Variants in NUTM2E observed in about 807,000 individuals in gnomAD.
The protein encoded by NUTM2E is family with sequence similarity 22, member E.
NUTM2E carries 3 observed loss-of-function variants against 26.1 expected under a neutral mutation model. The observed-to-expected ratio is 0.12, with a 90% CI of 0.05 to 0.30. The LOEUF (loss-of-function observed/expected upper bound fraction) is 0.30. NUTM2E is among the 10% of genes least tolerant of loss of function. The pLI, the probability that NUTM2E is intolerant of heterozygous loss-of-function variation, is 1.00. For synonymous variants in NUTM2E, 13 were observed against 157.5 expected (o/e 0.08, Z 6.87); for missense variants, 62 against 381.3 (o/e 0.16, Z 6.97).
chr10:79,849,545 C>A (rs1456162461), intron 9 of NUTM2E, 58 bp downstream of exon 9: 4 of 360,526 alleles, frequency 1.1e-5, no homozygotes, highest in Admixed American at 1.2e-4. Flanking sequence ...TCTAATCCCC[C>A]CCGCTGGGGA....
intron 1 of NUTM2E, among the ~76,000 whole-genome samples, chr10:79,836,201 A>T (rs1411701931): frequency 2.0e-5 from 3 of 151,202 alleles, no homozygotes; most frequent in Non-Finnish European, 4.4e-5. Flanking sequence ...ACTGGGCTTT[A>T]AAAAAAATCA....
At chr10:79,839,513 C>T (rs1302719906) in intron 3 of NUTM2E, among the ~76,000 whole-genome samples, 115 bp from the exon 4 acceptor site, 1 of 151,702 alleles carries the variant, frequency 6.6e-6, no homozygotes, top group Non-Finnish European at 1.5e-5. Flanking sequence ...CTCTGCAACA[C>T]AGTGCAGAAT....
chr10:79,832,676 A>G (rs1233057173), intron 1 of NUTM2E, among the ~76,000 whole-genome samples: 1 of 151,828 alleles, frequency 6.6e-6, no homozygotes, highest in African/African-American at 2.4e-5. Context: ...ACCAATAATT[A>G]TAAAAATAAG....
chr10:79,834,573 T>C (rs1028202593), intron 1 of NUTM2E, among the ~76,000 whole-genome samples: 2 of 150,082 alleles, frequency 1.3e-5, no homozygotes, highest in African/African-American at 4.9e-5. Flanking sequence ...GAGGCTGAGG[T>C]AGGAGAGTCG....
intron 1 of NUTM2E, among the ~76,000 whole-genome samples, chr10:79,829,644 C>T (rs1028719052): frequency 1.5e-4 from 23 of 151,822 alleles, no homozygotes; most frequent in Non-Finnish European, 2.7e-4. Context: ...TACTAAATGC[C>T]AAAGCAGATA....
chr10:79,833,983 T>A (rs1356062607), intron 1 of NUTM2E, among the ~76,000 whole-genome samples: 2 of 151,878 alleles, frequency 1.3e-5, no homozygotes, highest in East Asian at 3.9e-4. Context: ...AATGATAGAC[T>A]GGATAAAGAA....
chr10:79,837,159 C>G (rs1019115026), intron 1 of NUTM2E, among the ~76,000 whole-genome samples: 6 of 151,884 alleles, frequency 4.0e-5, no homozygotes, highest in African/African-American at 1.5e-4. Context: ...AGGTAGAAAC[C>G]AAAGCAAGTA....
chr10:79,830,493 A>G (rs961753117), intron 1 of NUTM2E, among the ~76,000 whole-genome samples: 1 of 151,750 alleles, frequency 6.6e-6, no homozygotes, highest in African/African-American at 2.4e-5. Context: ...AATTTTACAT[A>G]TGTAAAAACA....
chr10:79,838,873 C>T lies in NUTM2E; in HGVS notation c.-2356C>T, dbSNP rs1296607735. ...GTCTCCCTGCCATCAACCGCCGCAACTGGCGCTGGGAGCGGTTGAGGGCGG... is the reference window on the plus strand; with the variant it reads ...GTCTCCCTGCCATCAACCGCCGCAATTGGCGCTGGGAGCGGTTGAGGGCGG... On this transcript the variant is annotated 5_prime_UTR_variant, in exon 3 of 10. Coordinates refer to ENST00000429984, the MANE Select transcript of NUTM2E (RefSeq NM_001355263.2). 3.5e-5 allele frequency among the ~76,000 whole-genome samples: 5 copies of T among 142,596 alleles called. No homozygotes were observed. The highest frequency in any genetic ancestry group is 1.0e-4 in the African/African-American group (4 of 40,012). 93.5% of individuals were successfully genotyped at this position (142,596 alleles called of 152,430 possible).
chr10:79,831,617 G>A (rs1180232977), intron 1 of NUTM2E, among the ~76,000 whole-genome samples: 3 of 151,882 alleles, frequency 2.0e-5, no homozygotes, highest in Non-Finnish European at 2.9e-5. Flanking sequence ...GTATATAACA[G>A]CATGTACTGA....
intron 1 of NUTM2E, among the ~76,000 whole-genome samples, chr10:79,838,014 G>A (rs1013617817): frequency 6.6e-6 from 1 of 151,294 alleles, no homozygotes. Flanking sequence ...ACCTTCTCCA[G>A]TCCTCTTGTC....
chr10:79,847,863 C>T (rs1309209986), intron 6 of NUTM2E, 68 bp from the exon 7 acceptor site: 28 of 349,174 alleles, frequency 8.0e-5, no homozygotes, highest in Middle Eastern at 7.0e-4. Context: ...TGCCCTCGGC[C>T]GCTGCCTGGT....
chr10:79,838,662 G>C (rs1316410892), intron 2 of NUTM2E, among the ~76,000 whole-genome samples, 76 bp downstream of exon 2: 1 of 151,592 alleles, frequency 6.6e-6, no homozygotes, highest in Non-Finnish European at 1.5e-5. Flanking sequence ...CTTCCGCCTT[G>C]AGCACAGCCA....
rs1450098436 is a variant in NUTM2E at position 79,840,138 on chromosome 10, T to C, written c.-1603T>C. 7.0e-6 allele frequency among the ~76,000 whole-genome samples: 1 copy of C among 143,662 alleles called. No individual in the cohort carries two copies. Among genetic ancestry groups the C allele is most frequent in the East Asian group, 1.9e-4 (1 of 5,132 alleles). 94.2% of individuals were successfully genotyped at this position (143,662 alleles called of 152,430 possible). A position where few individuals can be genotyped will look rare whatever the true frequency, so the allele number is the denominator to read the frequency against. ...AACCAAAAATTCTGCGCTTCTTCAG[T>C]ATCTGAGTATGATATTTTGCTTCAA... On this transcript the variant is annotated 5_prime_UTR_variant, in exon 4 of 10. Coordinates refer to ENST00000429984, the MANE Select transcript of NUTM2E (RefSeq NM_001355263.2).
At position 79,842,049 on chromosome 10, in the gene NUTM2E, TG is replaced by T. The variant is rs1246740115; in HGVS notation, c.311del (p.Gly104AlafsTer33). ...EPGHSLGLTL[G>X]FSYCGNCQTA... is the part of the protein sequence containing the mutation. ...CAGGTCACTCTCTGGGTCTTACCCT[TG>T]GCTTTTCTTATTGCGGAAACTGCCA... On this transcript the variant is annotated frameshift_variant, in exon 4 of 10. Transcript: ENST00000429984. LOFTEE classifies it high-confidence loss of function. 1.1e-6 allele frequency: 1 copy of T among 931,934 alleles called. No homozygotes were observed. The highest frequency in any genetic ancestry group is 1.7e-6 in the Non-Finnish European group (1 of 597,716). 57.7% of individuals were successfully genotyped at this position (931,934 alleles called of 1,614,324 possible). A position where few individuals can be genotyped will look rare whatever the true frequency, so the allele number is the denominator to read the frequency against.
chr10:79,838,907 G>A lies in NUTM2E; in HGVS notation c.-2322G>A, dbSNP rs1383601338. Among the ~76,000 whole-genome samples, 7 of 148,900 alleles carry A rather than the reference G, an allele frequency of 4.7e-5. No individual in the cohort carries two copies. The highest frequency in any genetic ancestry group is 7.5e-5 in the African/African-American group (3 of 40,238). ...GGAGCGGTTGAGGGCGGCCGGCCTC[G>A]CGCTGGAACCTCGCCCGCCTCAAGG... On this transcript the variant is annotated 5_prime_UTR_variant, in exon 3 of 10. Coordinates refer to ENST00000429984, the MANE Select transcript of NUTM2E (RefSeq NM_001355263.2).
Position 79,849,374 on chromosome 10 carries a change from G to C in NUTM2E, c.1738G>C (p.Glu580Gln). Residue 580 changes from glutamate (E) to glutamine (Q), a missense_variant, in exon 9 of 10, where the codon GAG (glutamate) becomes CAG (glutamine). By Grantham distance (29) the Glu-to-Gln change is conservative. Coordinates refer to ENST00000429984, the MANE Select transcript of NUTM2E (RefSeq NM_001355263.2). Reference protein sequence around the residue: ...CSQKDFVTKVEAVIHPQFLEE... With the variant: ...CSQKDFVTKVQAVIHPQFLEE... ...ACCTTCTTCCTTCTGTTTCCAGGTGGAGGCCGTCATTCATCCCCAATTCCT... is the reference window on the plus strand; with the variant it reads ...ACCTTCTTCCTTCTGTTTCCAGGTGCAGGCCGTCATTCATCCCCAATTCCT... 1.6e-6 allele frequency: 1 copy of C among 622,440 alleles called. No individual in the cohort carries two copies. The highest frequency in any genetic ancestry group is 2.4e-6 in the Non-Finnish European group (1 of 419,154). The allele number at this position is 622,440 out of a possible 1,614,324, so 38.6% of individuals were successfully genotyped here.
chr10:79,830,492 T>A (rs1015717996), intron 1 of NUTM2E, among the ~76,000 whole-genome samples: 8 of 151,724 alleles, frequency 5.3e-5, no homozygotes, highest in African/African-American at 1.9e-4. Flanking sequence ...AAATTTTACA[T>A]ATGTAAAAAC....
intron 1 of NUTM2E, among the ~76,000 whole-genome samples, chr10:79,830,603 A>G (rs1300593692): frequency 6.6e-6 from 1 of 151,826 alleles, no homozygotes; most frequent in East Asian, 1.9e-4. Flanking sequence ...CATCAAACTG[A>G]AAAGCAAATT....
Sources: gnomAD v4.1 joint callset for allele counts (sites outside exome capture counted in the v4.1 genomes callset) on GRCh38, gnomAD v4.1.1 for gene constraint, MANE v1.5 for transcripts, NCBI Gene and HGNC (gene_info 2026-07-23, HGNC 2026-07-21) for gene names.